The following ASB17 variants were observed in gnomAD, a reference collection of about 807,000 sequenced individuals.
ASB17 encodes ankyrin repeat and SOCS box protein 17.
ASB17 carries 26 observed loss-of-function variants against 25.7 expected under a neutral mutation model. The ratio of observed to expected loss-of-function variants is 1.01; its 90% confidence interval spans 0.74 to 1.40. The LOEUF (loss-of-function observed/expected upper bound fraction) is 1.40, where lower values mean the gene tolerates loss of function less well. Among genes scored for constraint, ASB17 ranks in the 40% most tolerant of loss-of-function variants. The pLI is 0.00. For synonymous variants in ASB17, 128 were observed against 121.4 expected, an observed-to-expected ratio of 1.05 and a Z score of -0.36; for missense variants, 326 against 338.5, an observed-to-expected ratio of 0.96 and a Z score of 0.29.
At chr1:75,927,325 A>C (rs139705274) in intron 1 of ASB17, among the ~76,000 whole-genome samples, 4 of 149,776 alleles carry the variant, frequency 2.7e-5, no homozygotes, top group Non-Finnish European at 4.5e-5. Flanking sequence ...AGCAACAGGA[A>C]ACTAATACAA....
At chr1:75,929,671 A>G (rs886379164) in intron 1 of ASB17, among the ~76,000 whole-genome samples, 1 of 152,132 alleles carries the variant, frequency 6.6e-6, no homozygotes, top group Middle Eastern at 3.2e-3. Context: ...TCAATAACAG[A>G]TTATAGGAGT....
intron 1 of ASB17, among the ~76,000 whole-genome samples, chr1:75,927,083 C>G (rs2100613574): frequency 6.6e-6 from 1 of 152,206 alleles, no homozygotes; most frequent in African/African-American, 2.4e-5. Flanking sequence ...TATTACAGTG[C>G]TAGCTTTGAA....
intron 1 of ASB17, among the ~76,000 whole-genome samples, chr1:75,929,111 G>A (rs1418230974): frequency 6.6e-6 from 1 of 152,206 alleles, no homozygotes; most frequent in Non-Finnish European, 1.5e-5. Context: ...AAACAGAAAG[G>A]TCTTTGTGGC....
At chr1:75,928,819 C>A (rs1244616938) in intron 1 of ASB17, among the ~76,000 whole-genome samples, 1 of 152,182 alleles carries the variant, frequency 6.6e-6, no homozygotes, top group Non-Finnish European at 1.5e-5. Flanking sequence ...TGACATAGTT[C>A]TACACACTCT....
In ASB17 at chr1:75,919,124, G is replaced by T. The variant is rs1188633891; in HGVS notation, c.716C>A (p.Ser239Ter). The change falls in exon 3 of 3, where the codon TCA (serine) becomes TAA (stop). Residue 239 changes from serine (S) to a stop codon, truncating the protein, a stop_gained. Coordinates refer to ENST00000284142, the MANE Select transcript of ASB17 (RefSeq NM_080868.3). LOFTEE classifies it high-confidence loss of function. ...TGAAGGAATGTAATCAAACCAATTT[G>T]AAATAATTGGATGTCTTCCTAAACT... is the stretch of plus-strand genomic sequence containing the variant. ...QLSLGRHPII[S>*]NWFDYIPSTR... The T allele has an allele frequency of 6.2e-7, 1 of 1,612,548 alleles. No individual in the cohort carries two copies. Among genetic ancestry groups the T allele is most frequent in the South Asian group, 1.1e-5 (1 of 90,988 alleles).
At chr1:75,923,577 G>A (rs1037508918) in intron 1 of ASB17, among the ~76,000 whole-genome samples, 1 of 152,116 alleles carries the variant, frequency 6.6e-6, no homozygotes, top group South Asian at 2.1e-4. Flanking sequence ...ATTTTTGTCT[G>A]TGGAATTCTC....
chr1:75,923,770 G>C (rs1653093825), intron 1 of ASB17, among the ~76,000 whole-genome samples: 2 of 152,196 alleles, frequency 1.3e-5, no homozygotes. Context: ...TAGGTTCTAA[G>C]TTTTAGCTCT....
rs1200116525 is a variant in ASB17 at position 75,918,921 on chromosome 1, A to T, written c.*31T>A. 1 of 1,546,634 alleles carries T rather than the reference A, an allele frequency of 6.5e-7. No homozygotes were observed. Among genetic ancestry groups the T allele is most frequent in the Non-Finnish European group, 8.9e-7 (1 of 1,119,000 alleles). The stretch of plus-strand genomic sequence containing the variant: ...ACTTCTAAGCCATACATTGGTAAGC[A>T]TTGTTAAGGAACTTAGGACACTGAC... On this transcript the variant is annotated 3_prime_UTR_variant, in exon 3 of 3. Coordinates refer to ENST00000284142, the MANE Select transcript of ASB17 (RefSeq NM_080868.3).
At chr1:75,929,959 A>G (rs1653278324) in intron 1 of ASB17, among the ~76,000 whole-genome samples, 1 of 135,586 alleles carries the variant, frequency 7.4e-6, no homozygotes, top group African/African-American at 2.7e-5. Flanking sequence ...GGGGAAGGAG[A>G]AGGTTGGCAG....
chr1:75,927,582 C>A (rs1253220420), intron 1 of ASB17, among the ~76,000 whole-genome samples: 1 of 152,144 alleles, frequency 6.6e-6, no homozygotes, highest in Non-Finnish European at 1.5e-5. Flanking sequence ...ATTATAAATA[C>A]ACATGTAAAC....
At position 75,932,083 on chromosome 1, in the gene ASB17, T is replaced by TAATC. The variant is rs1653335839; in HGVS notation, c.205_208dup (p.Tyr70Ter). ...TCCTGATTTTTCCACAAATGCAATG[T>TAATC]AATCTGTGAGTAGTGCGTCAAAACC... On this transcript the variant is annotated stop_gained and frameshift_variant, in exon 1 of 3. Coordinates refer to ENST00000284142, the MANE Select transcript of ASB17 (RefSeq NM_080868.3). LOFTEE classifies it high-confidence loss of function. The TAATC allele has an allele frequency of 6.2e-7, 1 of 1,613,988 alleles. No individual in the cohort carries two copies. Among genetic ancestry groups the TAATC allele is most frequent in the Admixed American group, 1.7e-5 (1 of 60,000 alleles).
At chr1:75,920,806 G>A (rs141607061) in intron 2 of ASB17, among the ~76,000 whole-genome samples, 12 of 149,710 alleles carry the variant, frequency 8.0e-5, no homozygotes, top group African/African-American at 2.2e-4. Context: ...ACGGAGTCCC[G>A]CTCTTTCGCC....
intron 1 of ASB17, 129 bp from the exon 2 acceptor site, chr1:75,922,488 C>CTTTTTTTTTTTTTTTTTTTTTTTT (rs3037164): frequency 1.7e-5 from 2 of 118,088 alleles, no homozygotes; most frequent in East Asian, 3.9e-4. Context: ...TTATATGTTT[C>CTTTTTTTTTTTTTTTTTTTTTTTT]TTTTTTTTTT....
At chr1:75,925,738 A>G (rs550357952) in intron 1 of ASB17, among the ~76,000 whole-genome samples, 2 of 152,346 alleles carry the variant, frequency 1.3e-5, no homozygotes, top group East Asian at 1.9e-4. Flanking sequence ...CCATACAGAC[A>G]TGCAGAGAAT....
At chr1:75,924,573 G>A (rs1159138982) in intron 1 of ASB17, among the ~76,000 whole-genome samples, 5 of 151,946 alleles carry the variant, frequency 3.3e-5, no homozygotes, top group East Asian at 1.9e-4. Context: ...GGATATATAT[G>A]TTTGTATATA....
At chr1:75,924,286 G>A (rs1347816853) in intron 1 of ASB17, among the ~76,000 whole-genome samples, 1 of 152,106 alleles carries the variant, frequency 6.6e-6, no homozygotes, top group Non-Finnish European at 1.5e-5. Context: ...AGAAAAAAGA[G>A]TTTTTCTGGT....
At chr1:75,920,286 C>G (rs1557540760) in intron 2 of ASB17, among the ~76,000 whole-genome samples, 1 of 152,288 alleles carries the variant, frequency 6.6e-6, no homozygotes, top group East Asian at 1.9e-4. Flanking sequence ...AATAGATTGA[C>G]TTAGGAGGAA....
rs1653290716 is a variant in ASB17 at position 75,930,327 on chromosome 1, CATATAA to C, written c.401+1558_401+1563del. On this transcript the variant is annotated intron_variant, in intron 1 of 2. Transcript: ENST00000284142. Reference sequence around the variant, plus strand: ...TATATAACATGTATATATATAACTACATATAAATATAAATATATGTAAATATAAATA... The same window carrying C: ...TATATAACATGTATATATATAACTACATATAAATATATGTAAATATAAATA... Among the ~76,000 whole-genome samples the C allele has an allele frequency of 6.9e-5, 10 of 144,566 alleles. 1 individual carries two copies. In the South Asian group the frequency reaches 2.2e-3, roughly 31 times the overall value. 94.8% of individuals were successfully genotyped at this position (144,566 alleles called of 152,430 possible).
At chr1:75,928,373 T>C (rs1021332615) in intron 1 of ASB17, among the ~76,000 whole-genome samples, 2 of 152,218 alleles carry the variant, frequency 1.3e-5, no homozygotes, top group South Asian at 4.1e-4. Context: ...TGGAATGACA[T>C]CTCTCTTTAG....
Sources: gnomAD v4.1 joint callset for allele counts (sites outside exome capture counted in the v4.1 genomes callset) on GRCh38, gnomAD v4.1.1 for gene constraint, MANE v1.5 for transcripts, NCBI Gene and HGNC (gene_info 2026-07-23, HGNC 2026-07-21) for gene names.